The following SSBP3 variants were observed in gnomAD, a reference collection of about 807,000 sequenced individuals.
SSBP3 encodes single-stranded DNA-binding protein 3.
In SSBP3, 5 loss-of-function variants were observed where a neutral mutation model predicts 69.6. That is an observed-to-expected ratio of 0.07 (90% CI 0.04 to 0.15). The LOEUF is 0.15. Ranked by LOEUF, SSBP3 falls within the 10% of genes least tolerant of loss-of-function variation. The pLI, the probability that SSBP3 is intolerant of heterozygous loss-of-function variation, is 1.00. For missense variants in SSBP3, 312 were observed against 534.0 expected, an observed-to-expected ratio of 0.58 and a Z score of 4.10; for synonymous variants, 196 against 193.4, an observed-to-expected ratio of 1.01 and a Z score of -0.11.
intron 5 of SSBP3, among the ~76,000 whole-genome samples, chr1:54,262,956 C>G (rs1381383208): frequency 6.6e-6 from 1 of 152,238 alleles, no homozygotes; most frequent in East Asian, 1.9e-4. Flanking sequence ...TATTCCATCT[C>G]AGCTGGCCCC....
intron 4 of SSBP3, among the ~76,000 whole-genome samples, chr1:54,323,792 A>T (rs1215225762): frequency 6.6e-6 from 1 of 152,184 alleles, no homozygotes; most frequent in Non-Finnish European, 1.5e-5. Flanking sequence ...CCCAAAAGTG[A>T]GGCTGCAAAG....
chr1:54,310,053 T>G (rs1645972383), intron 4 of SSBP3, among the ~76,000 whole-genome samples: 2 of 152,120 alleles, frequency 1.3e-5, no homozygotes, highest in African/African-American at 4.8e-5. Flanking sequence ...CCCGCAGATC[T>G]CGGTCCAGAG....
chr1:54,405,966 GC>G lies in SSBP3; in HGVS notation c.42del (p.Gln15ArgfsTer6). ...AATAGGGCTTACTTTTCCCGAGCCT[GC>G]CCATCCGAGGGCACCGCCGAGCCTT... is the stretch of plus-strand genomic sequence containing the variant. On this transcript the variant is annotated frameshift_variant, in exon 1 of 18. Coordinates refer to ENST00000610401, the Ensembl canonical transcript of SSBP3. LOFTEE classifies it high-confidence loss of function. 6.9e-7 allele frequency: 1 copy of G among 1,453,686 alleles called. No homozygotes were observed. Among genetic ancestry groups the G allele is most frequent in the Non-Finnish European group, 9.1e-7 (1 of 1,093,146 alleles). 90.0% of individuals were successfully genotyped at this position (1,453,686 alleles called of 1,614,324 possible).
chr1:54,284,841 AG>A (rs1445001948), intron 4 of SSBP3, among the ~76,000 whole-genome samples: 4 of 152,152 alleles, frequency 2.6e-5, no homozygotes, highest in African/African-American at 9.7e-5. Flanking sequence ...CTTCACTCTA[AG>A]ATGTTTTCCT....
At chr1:54,327,949 T>C (rs993558037) in intron 4 of SSBP3, among the ~76,000 whole-genome samples, 1 of 152,200 alleles carries the variant, frequency 6.6e-6, no homozygotes, top group Non-Finnish European at 1.5e-5. Flanking sequence ...ATACCAAATA[T>C]AGTTCCGTAA....
At chr1:54,308,647 A>G (rs1645944212) in intron 4 of SSBP3, among the ~76,000 whole-genome samples, 1 of 151,804 alleles carries the variant, frequency 6.6e-6, no homozygotes, top group Non-Finnish European at 1.5e-5. Context: ...GCACACCTGT[A>G]ATCCCTGTCA....
chr1:54,411,908 A>AAG lies in SSBP3; in HGVS notation c.-275+1446_-275+1447dup, dbSNP rs1557603514. Among the ~76,000 whole-genome samples, 4 of 149,290 alleles carry AAG rather than the reference A, an allele frequency of 2.7e-5. 1 individual carries two copies. The highest frequency in any genetic ancestry group is 4.9e-5 in the African/African-American group (2 of 40,790). On this transcript the variant is annotated intron_variant, in intron 1 of 8. Transcript: ENST00000525990. ...CTCCGTCTCAAAAAAAAAAAAAAAA[A>AAG]AGCAGAAGGCAAGGCCCTATCCTGG...
intron 4 of SSBP3, among the ~76,000 whole-genome samples, chr1:54,380,134 C>A (rs1445532909): frequency 6.6e-6 from 1 of 152,176 alleles, no homozygotes; most frequent in African/African-American, 2.4e-5. Context: ...AGGGTCTGGG[C>A]TGGGCGCCCA....
intron 4 of SSBP3, among the ~76,000 whole-genome samples, chr1:54,361,536 C>G (rs1378689671): frequency 1.3e-5 from 2 of 152,114 alleles, no homozygotes; most frequent in South Asian, 4.1e-4. Context: ...AGAGCAAGGC[C>G]CTCCCAGGCT....
At chr1:54,227,191 G>GGT (rs3058961) in intron 17 of SSBP3, 31 bp from the exon 18 acceptor site, 1 of 1,084,186 alleles carries the variant, frequency 9.2e-7, no homozygotes, top group South Asian at 1.2e-5. Flanking sequence ...AGGGGGGGGG[G>GGT]TGAGGATTGT....
chr1:54,395,187 C>A (rs1421928352), intron 4 of SSBP3, among the ~76,000 whole-genome samples: 1 of 152,160 alleles, frequency 6.6e-6, no homozygotes, highest in African/African-American at 2.4e-5. Flanking sequence ...AACAATGACA[C>A]AGGATTTCAC....
chr1:54,394,861 C>T (rs1460844497), intron 4 of SSBP3, among the ~76,000 whole-genome samples: 1 of 151,878 alleles, frequency 6.6e-6, no homozygotes, highest in African/African-American at 2.4e-5. Flanking sequence ...TGCCACTATG[C>T]CCAGCTATTT....
intron 4 of SSBP3, chr1:54,325,323 T>C (rs1409958098): frequency 6.0e-6 from 1 of 167,118 alleles, no homozygotes; most frequent in Non-Finnish European, 1.5e-5. Context: ...CAAGATGATT[T>C]GTGAGCCTCT....
chr1:54,271,763 C>CTTTTCT lies in SSBP3; in HGVS notation c.366+9669_366+9674dup, dbSNP rs914613776. ...GAAACAAGAGACGGGGCTTTTCTTT[C>CTTTTCT]TTTTCTTTTTCTTTTTCTTTTTTTG... On this transcript the variant is annotated intron_variant, in intron 5 of 17. Transcript: ENST00000610401. 1.3e-4 allele frequency among the ~76,000 whole-genome samples: 20 copies of CTTTTCT among 152,252 alleles called. No homozygotes were observed. The South Asian group carries it at 2.5e-3, about 19-fold the overall frequency.
At chr1:54,380,264 A>AC (rs949255070) in intron 4 of SSBP3, among the ~76,000 whole-genome samples, 5 of 151,250 alleles carry the variant, frequency 3.3e-5, no homozygotes, top group Non-Finnish European at 7.4e-5. Flanking sequence ...TAAGTCACAC[A>AC]CCCCCTCCTT....
intron 14 of SSBP3, among the ~76,000 whole-genome samples, chr1:54,230,733 T>C (rs528879563): frequency 1.3e-5 from 2 of 152,312 alleles, no homozygotes; most frequent in South Asian, 4.1e-4. Context: ...GTCCATGGAT[T>C]TGCCTATCCT....
chr1:54,372,089 C>A (rs965106349), intron 4 of SSBP3, among the ~76,000 whole-genome samples: 1 of 152,220 alleles, frequency 6.6e-6, no homozygotes, highest in African/African-American at 2.4e-5. Context: ...GCAAGGCAGG[C>A]TAGGCATGTG....
At chr1:54,295,486 A>T (rs1345340521) in intron 4 of SSBP3, among the ~76,000 whole-genome samples, 1 of 152,194 alleles carries the variant, frequency 6.6e-6, no homozygotes, top group Admixed American at 6.5e-5. Flanking sequence ...CCCACGGAGC[A>T]TGCAATACCA....
intron 5 of SSBP3, among the ~76,000 whole-genome samples, chr1:54,261,368 G>T (rs554568257): frequency 6.6e-6 from 1 of 152,218 alleles, no homozygotes; most frequent in African/African-American, 2.4e-5. Context: ...TGAAGAAGAC[G>T]GACTTTGTGC....
Sources: allele counts gnomAD v4.1 joint callset (sites outside exome capture counted in the v4.1 genomes callset), GRCh38; gene constraint gnomAD v4.1.1; transcripts MANE v1.5; gene names NCBI Gene and HGNC (gene_info 2026-07-23, HGNC 2026-07-21).